NKTR: variants seen among roughly 807,000 people sequenced by gnomAD.
NKTR encodes NK-tumor recognition protein.
A neutral mutation model predicts 156.3 loss-of-function variants in NKTR; 67 were observed. The observed-to-expected ratio is 0.43, with a 90% CI of 0.35 to 0.53. The LOEUF is 0.53. NKTR is among the 20% of genes least tolerant of loss of function. The probability of loss-of-function intolerance (pLI) is 0.01; values close to 1 mark genes in which losing one functional copy is unlikely to be tolerated. For missense variants in NKTR, 1,604 were observed against 1,730.9 expected, an observed-to-expected ratio of 0.93 and a Z score of 1.30; for synonymous variants, 640 against 596.6, an observed-to-expected ratio of 1.07 and a Z score of -1.06.
chr3:42,604,803 C>T (rs1706065619), intron 2 of NKTR, among the ~76,000 whole-genome samples: 2 of 151,040 alleles, frequency 1.3e-5, no homozygotes, highest in South Asian at 2.1e-4. Context: ...ATTCTCGTGC[C>T]TCTGCCTCCC....
chr3:42,638,114 T>G lies in NKTR; in HGVS notation c.2410T>G (p.Ser804Ala). The G allele has an allele frequency of 6.2e-7, 1 of 1,613,966 alleles. No homozygotes were observed. The change falls in exon 13 of 17, where the codon TCT becomes GCT. Residue 804 changes from serine to alanine, a missense_variant. Transcript: ENST00000232978. The stretch of plus-strand genomic sequence containing the variant: ...GAGAAAGTATAGCGAGAGCAGATCA[T>G]CTTTAGATTATTCTTCAGACAGTGA... ...CVRKYSESRSSLDYSSDSEQS... is the reference protein window; with the variant it reads ...CVRKYSESRSALDYSSDSEQS...
chr3:42,632,495 T>G (rs1295031744), intron 8 of NKTR, 106 bp from the exon 9 acceptor site: 21 of 667,330 alleles, frequency 3.1e-5, no homozygotes, highest in African/African-American at 2.0e-4. Flanking sequence ...CATTTTTTGT[T>G]TGCTGTATGT....
chr3:42,601,434 A>G (rs1024235040), intron 2 of NKTR: 2 of 169,202 alleles, frequency 1.2e-5, no homozygotes, highest in Non-Finnish European at 2.5e-5. Context: ...ATGAAGTTTC[A>G]ACTAGTAGGA....
chr3:42,629,705 A>G (rs1708718412), intron 6 of NKTR: 1 of 983,334 alleles, frequency 1.0e-6, no homozygotes, highest in East Asian at 1.1e-4. Context: ...TCTGCTTTTG[A>G]ATTTTTTCCA....
At chr3:42,627,678 T>C in intron 6 of NKTR, 6 of 983,654 alleles carry the variant, frequency 6.1e-6, no homozygotes, top group Non-Finnish European at 7.2e-6. Context: ...AAAATCACTG[T>C]CTTTAAGTAC....
In NKTR at chr3:42,636,872, A is replaced by C. The variant is rs1296210377; in HGVS notation, c.1168A>C (p.Ser390Arg). ...GEKWSKGDKL[S>R]DPCSSRWDER... ...AATATTATGTCCTTTCTATAGGTTA[A>C]GTGACCCCTGTTCAAGCCGATGGGA... The change falls in exon 13 of 17, where the codon AGT (serine) becomes CGT (arginine). Residue 390 changes from serine (S) to arginine (R), a missense_variant. Transcript: ENST00000232978. 3 of 1,559,934 alleles carry C rather than the reference A, an allele frequency of 1.9e-6. No individual in the cohort carries two copies. The highest frequency in any genetic ancestry group is 2.6e-6 in the Non-Finnish European group (3 of 1,160,546).
At chr3:42,619,865 T>C in intron 5 of NKTR, 157 bp downstream of exon 5, 1 of 1,429,786 alleles carries the variant, frequency 7.0e-7, no homozygotes, top group Non-Finnish European at 9.2e-7. Context: ...TGGGGATAAA[T>C]TATATTGTAA....
intron 4 of NKTR, 86 bp downstream of exon 4, chr3:42,619,213 C>A: frequency 6.5e-7 from 1 of 1,548,678 alleles, no homozygotes; most frequent in South Asian, 1.2e-5. Flanking sequence ...AATATTGTGT[C>A]AGTTACAGTA....
Position 42,648,536 on chromosome 3 carries a change from G to A in NKTR, c.*2561G>A, listed in dbSNP as rs991661442. On this transcript the variant is annotated 3_prime_UTR_variant, in exon 17 of 17. Transcript: ENST00000232978. ...TTTTAATAAAATTGAATTATGTTGT[G>A]TATTGTGCTTCTTAATAGGAAATGC... The A allele has an allele frequency of 2.9e-4, 45 of 152,728 alleles. No homozygotes were observed. The highest frequency in any genetic ancestry group is 1.1e-3 in the African/African-American group (44 of 41,544). 9.5% of individuals were successfully genotyped at this position (152,728 alleles called of 1,614,324 possible). A position where few individuals can be genotyped will look rare whatever the true frequency, so the allele number is the denominator to read the frequency against.
Position 42,637,667 on chromosome 3 carries a change from A to G in NKTR, c.1963A>G (p.Ile655Val), listed in dbSNP as rs1341049668. ...CCAAAGCACTTACAGTTTAGCAAAT[A>G]TTAAAGAGACTGGTAGCTCATCATC... is the stretch of plus-strand genomic sequence containing the variant. ...PIQSTYSLAN[I>V]KETGSSSSYH... The change falls in exon 13 of 17, where the codon ATT becomes GTT. Residue 655 changes from isoleucine to valine, a missense_variant. This residue lies in a region of NKTR where 1,255 missense variants were observed against 1,243.7 expected (regional missense o/e 1.01). Coordinates refer to ENST00000232978, the MANE Select transcript of NKTR (RefSeq NM_005385.4). The G allele has an allele frequency of 2.5e-6, 4 of 1,613,570 alleles. No individual in the cohort carries two copies. The Admixed American group carries it at 5.0e-5, about 20-fold the overall frequency.
intron 2 of NKTR, chr3:42,601,533 G>A (rs1257451495): frequency 6.6e-6 from 1 of 152,412 alleles, no homozygotes; most frequent in Non-Finnish European, 1.5e-5. Flanking sequence ...AGAATTTCGT[G>A]GTTCCTGGGA....
At chr3:42,636,182 T>G (rs1407684603) in intron 12 of NKTR, among the ~76,000 whole-genome samples, 1 of 152,202 alleles carries the variant, frequency 6.6e-6, no homozygotes, top group African/African-American at 2.4e-5. Flanking sequence ...CATGGTAGTA[T>G]TCTCTTTTTC....
intron 6 of NKTR, chr3:42,628,567 C>G: frequency 1.0e-6 from 1 of 985,388 alleles, no homozygotes; most frequent in South Asian, 4.7e-5. Context: ...CAGGCTTTCC[C>G]CAATACTGCA....
At chr3:42,630,455 G>T in intron 6 of NKTR, 91 bp from the exon 7 acceptor site, 5 of 1,579,458 alleles carry the variant, frequency 3.2e-6, no homozygotes, top group Non-Finnish European at 2.6e-6. Context: ...TTACTTCTTT[G>T]TTCTCTACAT....
In NKTR at chr3:42,638,762, C is replaced by G; in HGVS notation, c.3058C>G (p.Leu1020Val). ...GCAAGCATTTCACTGGCAGCCTCCA[C>G]TAGAATTTGGTGAAGAGGAGGAGGA... ...RKQAFHWQPP[L>V]EFGEEEEEEI... is the part of the protein sequence containing the mutation. The change falls in exon 13 of 17, where the codon CTA (leucine) becomes GTA (valine). Residue 1020 changes from leucine to valine, a missense_variant. By Grantham distance (32) the Leu-to-Val change is conservative (BLOSUM62 1). This residue lies in a region of NKTR where 1,255 missense variants were observed against 1,243.7 expected (regional missense o/e 1.01). Coordinates refer to ENST00000232978, the MANE Select transcript of NKTR (RefSeq NM_005385.4). The G allele has an allele frequency of 1.2e-6, 2 of 1,613,956 alleles. No individual in the cohort carries two copies. Among genetic ancestry groups the G allele is most frequent in the South Asian group, 1.1e-5 (1 of 91,048 alleles).
At chr3:42,633,047 T>C in intron 9 of NKTR, 1 of 1,219,694 alleles carries the variant, frequency 8.2e-7, no homozygotes, top group Non-Finnish European at 1.0e-6. Flanking sequence ...TCCTAAGAAC[T>C]CTTTTTTTAA....
At chr3:42,635,437 T>A in intron 12 of NKTR, 71 bp downstream of exon 12, 1 of 1,189,130 alleles carries the variant, frequency 8.4e-7, no homozygotes, top group Non-Finnish European at 1.2e-6. Flanking sequence ...TGGATACAAT[T>A]CTGGACTTTT....
Position 42,645,925 on chromosome 3 carries a change from C to T in NKTR, c.4339C>T (p.Arg1447Ter), listed in dbSNP as rs1396671511. The change falls in exon 17 of 17, where the codon CGA (arginine) becomes TGA (stop). Residue 1447 changes from arginine (R) to a stop codon, truncating the protein, a stop_gained. Coordinates refer to ENST00000232978, the MANE Select transcript of NKTR (RefSeq NM_005385.4). LOFTEE classifies it high-confidence loss of function. ...TTATGGCTCTGACAGTGAAAGTGACCGAAGTTACTCTCATCACCGGAGCCC... is the reference window on the plus strand; with the variant it reads ...TTATGGCTCTGACAGTGAAAGTGACTGAAGTTACTCTCATCACCGGAGCCC... ...RSYGSDSESD[R>*]SYSHHRSPSE... 5.6e-6 allele frequency: 9 copies of T among 1,612,582 alleles called. No individual in the cohort carries two copies. The highest frequency in any genetic ancestry group is 1.6e-4 in the Middle Eastern group (1 of 6,062).
Position 42,634,716 on chromosome 3 carries a change from C to G in NKTR, c.1017+16C>G. On this transcript the variant is annotated intron_variant, in intron 11 of 16. Coordinates refer to ENST00000232978, the MANE Select transcript of NKTR (RefSeq NM_005385.4). Reference sequence around the variant, plus strand: ...GGGCACAATTGTATGTGTGATAAGACTTTTTTTGATATTATGTATCTAATA... The same window carrying G: ...GGGCACAATTGTATGTGTGATAAGAGTTTTTTTGATATTATGTATCTAATA... 7.0e-7 allele frequency: 1 copy of G among 1,432,974 alleles called. No homozygotes were observed. The highest frequency in any genetic ancestry group is 9.6e-7 in the Non-Finnish European group (1 of 1,040,240). The allele number at this position is 1,432,974 out of a possible 1,614,324, so 88.8% of individuals were successfully genotyped here.
Sources: allele counts gnomAD v4.1 joint callset (sites outside exome capture counted in the v4.1 genomes callset), GRCh38; gene constraint gnomAD v4.1.1; regional missense constraint gnomAD v4.1.1; transcripts MANE v1.5; gene names NCBI Gene and HGNC (gene_info 2026-07-23, HGNC 2026-07-21).